The following MATK variants were observed in gnomAD, a reference collection of about 807,000 sequenced individuals.
The protein encoded by MATK is megakaryocyte-associated tyrosine kinase.
MATK carries 41 observed loss-of-function variants against 59.8 expected under a neutral mutation model. That is an observed-to-expected ratio of 0.69 (90% CI 0.53 to 0.89). The LOEUF is 0.89. Ranked by LOEUF, MATK falls within the 40% of genes least tolerant of loss-of-function variation. The probability of loss-of-function intolerance (pLI) is 0.00; values close to 1 mark genes in which losing one functional copy is unlikely to be tolerated. For synonymous variants in MATK, 308 were observed against 306.1 expected, an observed-to-expected ratio of 1.01 and a Z score of -0.06; for missense variants, 593 against 719.6, an observed-to-expected ratio of 0.82 and a Z score of 2.01.
rs149114410 is a variant in MATK at position 3,794,851 on chromosome 19, C to T, written c.-57-5447G>A. 1.6e-4 allele frequency among the ~76,000 whole-genome samples: 25 copies of T among 152,264 alleles called. No individual in the cohort carries two copies. The East Asian group carries it at 4.8e-3, about 29-fold the overall frequency. On this transcript the variant is annotated intron_variant, in intron 1 of 13. Coordinates refer to the MATK transcript ENST00000395045. ...GGCATGCTGGTCTCTGTCCCAACTACTCAGCTCTGCCATTTCAGGGACACC... is the reference window on the plus strand; with the variant it reads ...GGCATGCTGGTCTCTGTCCCAACTATTCAGCTCTGCCATTTCAGGGACACC...
chr19:3,778,504 C>T lies in MATK; in HGVS notation c.1284+5G>A. On this transcript the variant is annotated splice_donor_5th_base_variant and intron_variant, in intron 13 of 13. Transcript: ENST00000310132. ...ACCCAGTGCCTCCCTGGGACCCCCG[C>T]TCACCATTTTAGGGTACGGAGCCCG... 6.2e-7 allele frequency: 1 copy of T among 1,613,922 alleles called. No homozygotes were observed. The highest frequency in any genetic ancestry group is 8.5e-7 in the Non-Finnish European group (1 of 1,179,978).
At chr19:3,789,403 CT>C (rs2037519290), upstream of MATK, 4 of 688,588 alleles carry the variant, frequency 5.8e-6, no homozygotes, top group South Asian at 6.2e-5. Flanking sequence ...CTCTTCCTCT[CT>C]CTGCAAATCA....
At chr19:3,778,460 G>T in intron 13 of MATK, 38 bp from the exon 14 acceptor site, 1 of 1,613,670 alleles carries the variant, frequency 6.2e-7, no homozygotes, top group Non-Finnish European at 8.5e-7. Context: ...CAGGGCCACA[G>T]CCTCTGGACC....
intron 1 of MATK, among the ~76,000 whole-genome samples, chr19:3,797,594 A>T (rs2145117484): frequency 6.6e-6 from 1 of 151,876 alleles, no homozygotes; most frequent in East Asian, 2.0e-4. Flanking sequence ...TGACTGTCAG[A>T]GTTTTAATTT....
At chr19:3,801,748 C>T (rs1243090485) in exon 1 of MATK, 1 of 152,210 alleles carries the variant, frequency 6.6e-6, no homozygotes, top group East Asian at 1.9e-4. Context: ...CCCGTGGACT[C>T]CGCAGCCCAG....
intron 2 of MATK, 27 bp from the exon 3 acceptor site, chr19:3,784,911 G>C (rs1292364829): frequency 1.5e-5 from 22 of 1,489,540 alleles, no homozygotes; most frequent in Non-Finnish European, 1.8e-5. Context: ...GTCCAGGTGG[G>C]AGCTGGGCTG....
intron 1 of MATK, among the ~76,000 whole-genome samples, chr19:3,797,842 G>C (rs2037610036): frequency 6.6e-6 from 1 of 152,108 alleles, no homozygotes; most frequent in Non-Finnish European, 1.5e-5. Context: ...AGGAGTTCGA[G>C]ACCAGGCTGG....
In MATK at chr19:3,785,416, C is replaced by A. The variant is rs564339164; in HGVS notation, c.-151-130G>T. On this transcript the variant is annotated intron_variant, in intron 1 of 13. Transcript: ENST00000310132. The stretch of plus-strand genomic sequence containing the variant: ...GCCCTGCTGGGCTCCTCCGGCCACC[C>A]GCTGAGCCTCTCTGATCCCCCCCCA... The A allele has an allele frequency of 1.4e-5, 8 of 563,246 alleles. No homozygotes were observed. The East Asian group carries it at 2.3e-4, about 16-fold the overall frequency. The allele number at this position is 563,246 out of a possible 1,614,324, so 34.9% of individuals were successfully genotyped here. A position where few individuals can be genotyped will look rare whatever the true frequency, so the allele number is the denominator to read the frequency against.
At chr19:3,784,482 G>T in intron 3 of MATK, 31 bp from the exon 4 acceptor site, 1 of 1,507,176 alleles carries the variant, frequency 6.6e-7, no homozygotes, top group Non-Finnish European at 9.0e-7. Flanking sequence ...GGGGCAAAGG[G>T]AGGACATCAC....
rs1003204076 is a variant in MATK at position 3,779,117 on chromosome 19, T to C, written c.1072A>G (p.Ile358Val). 23 of 1,610,284 alleles carry C rather than the reference T, an allele frequency of 1.4e-5. No homozygotes were observed. The highest frequency in any genetic ancestry group is 1.8e-5 in the Non-Finnish European group (21 of 1,179,318). ...GCCACCAGGTCCTCTGAGACCAGGA[T>C]GTTGCGGGCGGCCAGGTCGCGGTGC... ...LVHRDLAARN[I>V]LVSEDLVAKV... Residue 358 changes from isoleucine to valine, a missense_variant, in exon 12 of 14, where the codon ATC becomes GTC. By Grantham distance (29) the Ile-to-Val change is conservative. Coordinates refer to ENST00000310132, the MANE Select transcript of MATK (RefSeq NM_139355.3).
At chr19:3,795,226 C>T (rs1438192435) in intron 1 of MATK, among the ~76,000 whole-genome samples, 1 of 150,850 alleles carries the variant, frequency 6.6e-6, no homozygotes, top group Non-Finnish European at 1.5e-5. Flanking sequence ...ATCCGCCCAC[C>T]TCGGCCTCCC....
Position 3,779,804 on chromosome 19 carries a change from G to A in MATK, c.743-7C>T, listed in dbSNP as rs755710634. The A allele has an allele frequency of 6.4e-7, 1 of 1,568,224 alleles. No individual in the cohort carries two copies. The highest frequency in any genetic ancestry group is 1.4e-5 in the African/African-American group (1 of 73,982). Reference sequence around the variant, plus strand: ...TACTCACCCTGCAGGACAGCTGGGGGGTGGGGGTGGGGAACGGGGTGAGAT... The same window carrying A: ...TACTCACCCTGCAGGACAGCTGGGGAGTGGGGGTGGGGAACGGGGTGAGAT... On this transcript the variant is annotated splice_polypyrimidine_tract_variant and splice_region_variant and intron_variant, in intron 8 of 13. Transcript: ENST00000310132.
rs891412319 is a variant in MATK at position 3,786,320 on chromosome 19, G to T, written c.-303C>A. The T allele has an allele frequency of 3.3e-5, 32 of 984,514 alleles. No homozygotes were observed. Among genetic ancestry groups the T allele is most frequent in the East Asian group, 2.3e-4 (2 of 8,802 alleles). 61.0% of individuals were successfully genotyped at this position (984,514 alleles called of 1,614,324 possible). On this transcript the variant is annotated 5_prime_UTR_variant, in exon 1 of 14. Transcript: ENST00000310132. This position sits in a 1 kb window ranked among gnomAD's most constrained non-coding sequence, Gnocchi z 4.1. ...TGGGGGCGAAGAAGGGTCGGGGAGT[G>T]GGGGAAAGCGGGAGGCGCCGCGGCC...
At chr19:3,796,954 T>C (rs1423230593) in intron 1 of MATK, among the ~76,000 whole-genome samples, 1 of 152,182 alleles carries the variant, frequency 6.6e-6, no homozygotes, top group Non-Finnish European at 1.5e-5. Flanking sequence ...GTCCCATGGT[T>C]AATTTCTGTC....
At chr19:3,790,957 A>C (rs2145110895), upstream of MATK, among the ~76,000 whole-genome samples, 1 of 152,280 alleles carries the variant, frequency 6.6e-6, no homozygotes, top group Non-Finnish European at 1.5e-5. Flanking sequence ...TGGAGGAAAC[A>C]GAGCCAAGAA....
chr19:3,790,721 G>C (rs1224510247), upstream of MATK, among the ~76,000 whole-genome samples: 1 of 152,156 alleles, frequency 6.6e-6, no homozygotes, highest in Non-Finnish European at 1.5e-5. Context: ...GCCGTGTCCA[G>C]CTGGCCTCTC....
intron 6 of MATK, among the ~76,000 whole-genome samples, chr19:3,783,510 C>T (rs995714996): frequency 1.3e-5 from 2 of 152,024 alleles, no homozygotes; most frequent in African/African-American, 4.8e-5. Flanking sequence ...GATCAGCCCC[C>T]CTATTTCTGC....
At position 3,783,110 on chromosome 19, in the gene MATK, C is replaced by T. The variant is rs1288531551; in HGVS notation, c.676+16G>A. ...GTGGGTAGGGAAGGGGGTCTGCCCTCCTGGGCGTCCCCTACCCCTGGCCAG... is the reference window on the plus strand; with the variant it reads ...GTGGGTAGGGAAGGGGGTCTGCCCTTCTGGGCGTCCCCTACCCCTGGCCAG... On this transcript the variant is annotated intron_variant, in intron 7 of 13. Coordinates refer to ENST00000310132, the MANE Select transcript of MATK (RefSeq NM_139355.3). 8 of 1,612,890 alleles carry T rather than the reference C, an allele frequency of 5.0e-6. No individual in the cohort carries two copies. The highest frequency in any genetic ancestry group is 6.8e-6 in the Non-Finnish European group (8 of 1,179,524).
rs779420815 is a variant in MATK, at chr19:3,785,045, G to A, written c.72+19C>T. ...CCCAGAACTGGCTCCCCAAGCCCCT[G>A]TGGGGAAGTGATCTTTACCCGGGGA... is the stretch of plus-strand genomic sequence containing the variant. On this transcript the variant is annotated intron_variant, in intron 2 of 13. Coordinates refer to ENST00000310132, the MANE Select transcript of MATK (RefSeq NM_139355.3). 4.3e-6 allele frequency: 7 copies of A among 1,610,658 alleles called. No individual in the cohort carries two copies. The highest frequency in any genetic ancestry group is 2.7e-5 in the African/African-American group (2 of 74,824).
Sources: allele counts gnomAD v4.1 joint callset (sites outside exome capture counted in the v4.1 genomes callset), GRCh38; gene constraint gnomAD v4.1.1; non-coding constraint Gnocchi (gnomAD v3.1); transcripts MANE v1.5; gene names NCBI Gene and HGNC (gene_info 2026-07-23, HGNC 2026-07-21).